Variants in ANKRD30B observed in about 807,000 individuals in gnomAD.
ANKRD30B encodes the protein ankyrin repeat domain 30B.
Under a neutral mutation model 202.2 loss-of-function variants are expected in ANKRD30B, and 144 were observed. The ratio of observed to expected loss-of-function variants is 0.71; its 90% confidence interval spans 0.62 to 0.82. ANKRD30B has a LOEUF of 0.82. Among genes scored for constraint, ANKRD30B ranks in the 40% least tolerant of loss-of-function variants. ANKRD30B has a pLI of 0.00. For synonymous variants in ANKRD30B, 508 were observed against 561.3 expected (o/e 0.91, Z 1.34); for missense variants, 1,487 against 1,669.1 (o/e 0.89, Z 1.90).
intron 18 of ANKRD30B, among the ~76,000 whole-genome samples, 175 bp from the exon 19 acceptor site, chr18:14,797,486 G>A (rs1351045087): frequency 6.6e-6 from 1 of 152,126 alleles, no homozygotes; most frequent in South Asian, 2.1e-4. Flanking sequence ...GTTTCAGGGG[G>A]TCTCCCTACA....
intron 39 of ANKRD30B, among the ~76,000 whole-genome samples, chr18:14,847,053 TATATATATATA>T (rs1971671888): frequency 7.0e-5 from 1 of 14,242 alleles, no homozygotes; most frequent in African/African-American, 2.7e-4. Flanking sequence ...TTTAGTTTTA[TATATATATATA>T]TATATATATA....
chr18:14,911,415 G>C, the ANKRD30B span, among the ~76,000 whole-genome samples: 10 of 152,170 alleles, frequency 6.6e-5, no homozygotes, highest in South Asian at 1.5e-3. Flanking sequence ...TTTTGACTTT[G>C]TCAAAGATAA....
chr18:14,837,169 G>GTTT, intron 34 of ANKRD30B, 42 bp from the exon 35 acceptor site: 4 of 1,259,062 alleles, frequency 3.2e-6, no homozygotes, highest in South Asian at 3.0e-5. Flanking sequence ...TTTTTCTGAA[G>GTTT]TTTTTTTTTT....
the ANKRD30B span, among the ~76,000 whole-genome samples, chr18:14,860,432 G>T: frequency 4.7e-5 from 3 of 64,100 alleles, no homozygotes; most frequent in Non-Finnish European, 6.5e-5. Flanking sequence ...GGGCAGCCGG[G>T]AAGAGGCACT....
At chr18:14,828,443 A>T (rs1052443060) in intron 33 of ANKRD30B, 135 bp downstream of exon 33, 4 of 640,706 alleles carry the variant, frequency 6.2e-6, no homozygotes, top group Middle Eastern at 8.2e-4. Flanking sequence ...TCACATAGTC[A>T]TCACACAGCT....
rs796789368 is a variant in ANKRD30B at position 14,847,814 on chromosome 18, C to A, written c.3182-902C>A. Among the ~76,000 whole-genome samples the A allele has an allele frequency of 5.9e-5, 9 of 152,036 alleles. 1 individual carries two copies. The highest frequency in any genetic ancestry group is 2.2e-4 in the African/African-American group (9 of 41,450). On this transcript the variant is annotated intron_variant, in intron 39 of 43. Coordinates refer to ENST00000690538, the MANE Select transcript of ANKRD30B (RefSeq NM_001367607.2). ...CTATAAAAATAGACACTCTTCTTGG[C>A]ACTATGTGAGCACCAGGTGTGATTT...
intron 14 of ANKRD30B, among the ~76,000 whole-genome samples, chr18:14,785,281 G>A (rs891087520): frequency 5.9e-5 from 9 of 151,996 alleles, no homozygotes; most frequent in Admixed American, 2.6e-4. Flanking sequence ...AACTTCTAAT[G>A]TATACATGGT....
the ANKRD30B span, among the ~76,000 whole-genome samples, chr18:14,862,664 G>A: frequency 1.3e-5 from 2 of 152,144 alleles, no homozygotes; most frequent in African/African-American, 4.8e-5. Context: ...TGGGAATGGG[G>A]CCGCCACCTC....
Position 14,769,380 on chromosome 18 carries a change from C to T in ANKRD30B, c.1256+7C>T. 2 of 1,543,838 alleles carry T rather than the reference C, an allele frequency of 1.3e-6. No individual in the cohort carries two copies. The highest frequency in any genetic ancestry group is 1.2e-5 in the South Asian group (1 of 83,006). On this transcript the variant is annotated splice_region_variant and intron_variant, in intron 8 of 43. Coordinates refer to ENST00000690538, the MANE Select transcript of ANKRD30B (RefSeq NM_001367607.2). ...CTGTAGAGCCTATATTCAGGTAAGACTTTGCGGTTTTTTAAAACGAATAGG... is the reference window on the plus strand; with the variant it reads ...CTGTAGAGCCTATATTCAGGTAAGATTTTGCGGTTTTTTAAAACGAATAGG...
At chr18:14,855,093 G>C (rs1463574659), downstream of ANKRD30B, among the ~76,000 whole-genome samples, 2 of 152,052 alleles carry the variant, frequency 1.3e-5, no homozygotes, top group Admixed American at 6.6e-5. Flanking sequence ...TTGAGATTAG[G>C]GAGTGGTGAT....
Position 14,752,922 on chromosome 18 carries a change from C to T in ANKRD30B, c.420C>T (p.Asn140=). The change falls in exon 3 of 44, where the codon AAC becomes AAT. Residue 140 remains asparagine (N), a synonymous_variant. Transcript: ENST00000690538. ...TAAATTATGTAGATGTGTATGGCAACACGGCTCTCCATTATGCCGTTTATA... is the reference window on the plus strand; with the variant it reads ...TAAATTATGTAGATGTGTATGGCAATACGGCTCTCCATTATGCCGTTTATA... ...ADLNYVDVYG[N]TALHYAVYSE... 3.1e-6 allele frequency: 5 copies of T among 1,604,384 alleles called. No homozygotes were observed. Among genetic ancestry groups the T allele is most frequent in the Non-Finnish European group, 4.3e-6 (5 of 1,174,724 alleles).
the ANKRD30B span, among the ~76,000 whole-genome samples, chr18:14,867,208 T>G: frequency 6.7e-6 from 1 of 149,386 alleles, no homozygotes. Context: ...GTGGACACTA[T>G]CGAGTGTCCA....
rs1222266165 is a variant in ANKRD30B, at chr18:14,796,344, C to T, written c.1856C>T (p.Pro619Leu). Residue 619 changes from proline to leucine, a missense_variant and splice_region_variant, in exon 18 of 44, where the codon CCT becomes CTT. Physicochemically the swap from Pro to Leu is moderately conservative, Grantham distance 98. Coordinates refer to ENST00000690538, the MANE Select transcript of ANKRD30B (RefSeq NM_001367607.2). ...ESPVKDGLLK[P>L]TCGRKVSLPN... ...TTTTGTGTTTCCAAACCCATTTAGC[C>T]TACCTGTGGAAGGAAAGTTTCTCTT... The T allele has an allele frequency of 3.8e-6, 6 of 1,593,222 alleles. No homozygotes were observed. The African/African-American group carries it at 5.4e-5, about 14-fold the overall frequency.
chr18:14,828,097 G>A (rs1351914486), intron 32 of ANKRD30B, among the ~76,000 whole-genome samples, 181 bp from the exon 33 acceptor site: 3 of 152,188 alleles, frequency 2.0e-5, no homozygotes, highest in African/African-American at 7.2e-5. Flanking sequence ...TTAAGTTGAA[G>A]TCTTGCAATG....
At chr18:14,761,170 T>C (rs1212969985) in intron 6 of ANKRD30B, among the ~76,000 whole-genome samples, 1 of 152,158 alleles carries the variant, frequency 6.6e-6, no homozygotes, top group Non-Finnish European at 1.5e-5. Flanking sequence ...AACAGAAAAC[T>C]GTAACATTTG....
chr18:14,799,584 G>A (rs1969180826), intron 22 of ANKRD30B, among the ~76,000 whole-genome samples: 1 of 152,058 alleles, frequency 6.6e-6, no homozygotes, highest in African/African-American at 2.4e-5. Flanking sequence ...TAAGGCAGGT[G>A]AATTTTGAAA....
chr18:14,909,051 G>T, the ANKRD30B span, among the ~76,000 whole-genome samples: 1 of 152,298 alleles, frequency 6.6e-6, no homozygotes, highest in African/African-American at 2.4e-5. Context: ...GCCAGCCTTT[G>T]TCGTCTGATG....
the ANKRD30B span, among the ~76,000 whole-genome samples, chr18:14,892,239 C>T: frequency 6.6e-6 from 1 of 152,150 alleles, no homozygotes; most frequent in Non-Finnish European, 1.5e-5. Flanking sequence ...TTATTAGGGA[C>T]TGGAATCTGT....
intron 9 of ANKRD30B, among the ~76,000 whole-genome samples, chr18:14,773,786 G>T (rs555765049): frequency 6.6e-6 from 1 of 151,866 alleles, no homozygotes; most frequent in African/African-American, 2.4e-5. Context: ...CTCCTGTGTA[G>T]CTGGGACTAC....
Sources: gnomAD v4.1 joint callset for allele counts (sites outside exome capture counted in the v4.1 genomes callset) on GRCh38, gnomAD v4.1.1 for gene constraint, MANE v1.5 for transcripts, NCBI Gene and HGNC (gene_info 2026-07-23, HGNC 2026-07-21) for gene names.